The following CRYBG1 variants were observed in gnomAD, a reference collection of about 807,000 sequenced individuals.
CRYBG1 encodes beta/gamma crystallin domain-containing protein 1.
In CRYBG1, 139 loss-of-function variants were observed where a neutral mutation model predicts 189.2. The ratio of observed to expected loss-of-function variants is 0.73; its 90% confidence interval spans 0.64 to 0.85. CRYBG1 has a LOEUF of 0.85. Among genes scored for constraint, CRYBG1 ranks in the 40% least tolerant of loss-of-function variants. CRYBG1 has a pLI of 0.00. For synonymous variants in CRYBG1, 1,023 were observed against 1,017.1 expected (o/e 1.01, Z -0.11); for missense variants, 2,611 against 2,675.8 (o/e 0.98, Z 0.53).
At chr6:106,525,033 G>A (rs1424938302) in intron 4 of CRYBG1, 100 bp from the exon 5 acceptor site, 2 of 1,194,122 alleles carry the variant, frequency 1.7e-6, no homozygotes, top group East Asian at 4.8e-5. Flanking sequence ...TCGATACAAT[G>A]TGGGAAAAGT....
At chr6:106,490,211 A>G (rs1163660650) in intron 2 of CRYBG1, among the ~76,000 whole-genome samples, 1 of 152,218 alleles carries the variant, frequency 6.6e-6, no homozygotes, top group Admixed American at 6.5e-5. Flanking sequence ...TCCCTCCTTC[A>G]CCCTGGTGTG....
At chr6:106,447,407 T>C (rs1321987022) in intron 1 of CRYBG1, among the ~76,000 whole-genome samples, 13 of 152,136 alleles carry the variant, frequency 8.5e-5, no homozygotes, top group Non-Finnish European at 1.9e-4. Flanking sequence ...GATAATAATG[T>C]AATTGTACAC....
chr6:106,512,446 G>A lies in CRYBG1; in HGVS notation c.1329G>A (p.Arg443=), dbSNP rs898182988. 9.9e-6 allele frequency: 16 copies of A among 1,610,440 alleles called. No homozygotes were observed. Among genetic ancestry groups the A allele is most frequent in the African/African-American group, 1.3e-5 (1 of 74,902 alleles). The part of the protein sequence containing the change: ...ADAELPESAA[R]DDAVFDDEVA... ...CCGAGCTCCCTGAGAGCGCTGCCAGGGACGACGCGGTGTTCGACGACGAGG... is the reference window on the plus strand; with the variant it reads ...CCGAGCTCCCTGAGAGCGCTGCCAGAGACGACGCGGTGTTCGACGACGAGG... Residue 443 remains arginine, a synonymous_variant, in exon 3 of 22, where the codon AGG becomes AGA. Coordinates refer to ENST00000633556, the MANE Select transcript of CRYBG1 (RefSeq NM_001371242.2).
intron 1 of CRYBG1, among the ~76,000 whole-genome samples, chr6:106,402,159 A>C (rs1202267425): frequency 1.6e-5 from 2 of 121,330 alleles, no homozygotes; most frequent in African/African-American, 6.5e-5. Context: ...GACACAAACA[A>C]ATGGAAGAAC....
chr6:106,507,964 T>G (rs1482745377), intron 2 of CRYBG1, among the ~76,000 whole-genome samples: 1 of 152,170 alleles, frequency 6.6e-6, no homozygotes, highest in Admixed American at 6.5e-5. Context: ...CTGCATAACG[T>G]GGCTGGGTAC....
At chr6:106,369,372 C>G (rs1769968740) in intron 1 of CRYBG1, among the ~76,000 whole-genome samples, 1 of 152,192 alleles carries the variant, frequency 6.6e-6, no homozygotes, top group South Asian at 2.1e-4. Flanking sequence ...AGAAAGTTGG[C>G]TGCTGGTTGT....
At chr6:106,394,949 G>T (rs917312022) in intron 1 of CRYBG1, among the ~76,000 whole-genome samples, 1 of 150,394 alleles carries the variant, frequency 6.6e-6, no homozygotes, top group Non-Finnish European at 1.5e-5. Context: ...TCTGCCTCCC[G>T]GGTTCAAGTG....
intron 1 of CRYBG1, among the ~76,000 whole-genome samples, chr6:106,361,407 C>G (rs976876341): frequency 6.6e-6 from 1 of 152,188 alleles, no homozygotes; most frequent in African/African-American, 2.4e-5. Flanking sequence ...GGGTTGTTAC[C>G]GTCCTAAATG....
intron 2 of CRYBG1, among the ~76,000 whole-genome samples, chr6:106,456,442 A>G (rs913595708): frequency 2.6e-5 from 4 of 152,020 alleles, no homozygotes; most frequent in Non-Finnish European, 5.9e-5. Context: ...GATTACAGGC[A>G]TGAGCCACTA....
At chr6:106,535,508 T>C (rs924388989) in intron 8 of CRYBG1, among the ~76,000 whole-genome samples, 1 of 152,202 alleles carries the variant, frequency 6.6e-6, no homozygotes, top group African/African-American at 2.4e-5. Context: ...TGACTCTCTT[T>C]CTAATGGTAT....
intron 2 of CRYBG1, among the ~76,000 whole-genome samples, chr6:106,496,659 A>G (rs962298194): frequency 3.9e-5 from 6 of 152,216 alleles, no homozygotes; most frequent in African/African-American, 1.4e-4. Flanking sequence ...CAGATTAACT[A>G]TAGCCTATGT....
intron 2 of CRYBG1, among the ~76,000 whole-genome samples, chr6:106,511,030 A>G (rs568117986): frequency 6.6e-6 from 1 of 152,196 alleles, no homozygotes; most frequent in Non-Finnish European, 1.5e-5. Flanking sequence ...GCCTTAGGAT[A>G]CTTTAGTGTG....
chr6:106,537,238 G>A lies in CRYBG1; in HGVS notation c.4719-2165G>A, dbSNP rs1774026174. On this transcript the variant is annotated intron_variant, in intron 8 of 21. Transcript: ENST00000633556. ...AAAGACTTAATGAAAAGGGTACTTC[G>A]GTAAGAATCATTTCAAAATCTCAGA... 2.6e-5 allele frequency among the ~76,000 whole-genome samples: 4 copies of A among 152,286 alleles called. No individual in the cohort carries two copies. The South Asian group carries it at 8.3e-4, about 32-fold the overall frequency.
intron 3 of CRYBG1, 101 bp downstream of exon 3, chr6:106,513,140 G>A (rs1008159289): frequency 2.2e-6 from 3 of 1,370,564 alleles, no homozygotes; most frequent in African/African-American, 2.9e-5. Flanking sequence ...GAAACGTCTG[G>A]TCACTGAACT....
chr6:106,560,263 G>A (rs1188471498), intron 18 of CRYBG1, among the ~76,000 whole-genome samples: 2 of 152,208 alleles, frequency 1.3e-5, no homozygotes, highest in Admixed American at 6.5e-5. Flanking sequence ...ATATGCAAGA[G>A]AGGAGGGCGC....
chr6:106,568,440 C>A, intron 21 of CRYBG1, 32 bp from the exon 22 acceptor site: 1 of 1,533,476 alleles, frequency 6.5e-7, no homozygotes, highest in Non-Finnish European at 9.0e-7. Context: ...ACCATGGGTA[C>A]ATTCATCTTT....
intron 1 of CRYBG1, among the ~76,000 whole-genome samples, chr6:106,449,948 G>C (rs773062923): frequency 1.3e-5 from 2 of 152,176 alleles, no homozygotes; most frequent in Non-Finnish European, 2.9e-5. Flanking sequence ...ACAGGGGCCA[G>C]GCACAGTGGC....
intron 2 of CRYBG1, among the ~76,000 whole-genome samples, chr6:106,478,479 T>C (rs1772379766): frequency 2.0e-5 from 3 of 152,216 alleles, no homozygotes; most frequent in African/African-American, 4.8e-5. Context: ...ACACACCTGC[T>C]AAAGACAGTG....
chr6:106,493,626 G>C (rs536245097), intron 2 of CRYBG1, among the ~76,000 whole-genome samples: 43 of 152,168 alleles, frequency 2.8e-4, no homozygotes, highest in Non-Finnish European at 5.0e-4. Flanking sequence ...AAGAATATGT[G>C]CTGTAATAAA....
Sources: allele counts gnomAD v4.1 joint callset (sites outside exome capture counted in the v4.1 genomes callset), GRCh38; gene constraint gnomAD v4.1.1; transcripts MANE v1.5; gene names NCBI Gene and HGNC (gene_info 2026-07-23, HGNC 2026-07-21).